RAPGEF5: variants seen among roughly 807,000 people sequenced by gnomAD.
The protein encoded by RAPGEF5 is M-Ras-regulated GEF.
A neutral mutation model predicts 125.2 loss-of-function variants in RAPGEF5; 65 were observed. The ratio of observed to expected loss-of-function variants is 0.52; its 90% CI spans 0.43 to 0.64. RAPGEF5 has a LOEUF of 0.64. RAPGEF5 is among the 30% of genes least tolerant of loss of function. RAPGEF5 has a pLI of 0.00. For missense variants in RAPGEF5, 958 were observed against 1,048.1 expected (o/e 0.91, Z 1.19); for synonymous variants, 391 against 385.9 (o/e 1.01, Z -0.16).
chr7:22,164,664 C>T (rs953104733), intron 12 of RAPGEF5, among the ~76,000 whole-genome samples: 4 of 151,902 alleles, frequency 2.6e-5, no homozygotes, highest in African/African-American at 9.7e-5. Context: ...ATCTGATTTC[C>T]AATATTAGGA....
At chr7:22,343,473 T>C (rs1784166359) in intron 1 of RAPGEF5, among the ~76,000 whole-genome samples, 1 of 152,212 alleles carries the variant, frequency 6.6e-6, no homozygotes, top group Non-Finnish European at 1.5e-5. Context: ...TATATTTCAT[T>C]TATTAAGACA....
intron 9 of RAPGEF5, among the ~76,000 whole-genome samples, chr7:22,198,334 T>A (rs1430540370): frequency 6.6e-6 from 1 of 152,172 alleles, no homozygotes; most frequent in Non-Finnish European, 1.5e-5. Flanking sequence ...TCAGCTTAGC[T>A]GAGGCAAATA....
At chr7:22,254,799 A>G (rs1057188618) in intron 7 of RAPGEF5, among the ~76,000 whole-genome samples, 1 of 152,024 alleles carries the variant, frequency 6.6e-6, no homozygotes, top group Non-Finnish European at 1.5e-5. Context: ...TATCATAAGG[A>G]GCACGCAACC....
In RAPGEF5 at chr7:22,131,017, A is replaced by AAGTAATG; in HGVS notation, c.2481+13_2481+19dup. 6.5e-7 allele frequency: 1 copy of AAGTAATG among 1,540,138 alleles called. No homozygotes were observed. Among genetic ancestry groups the AAGTAATG allele is most frequent in the African/African-American group, 1.4e-5 (1 of 72,812 alleles). On this transcript the variant is annotated intron_variant, in intron 24 of 25. Coordinates refer to ENST00000665637, the MANE Select transcript of RAPGEF5 (RefSeq NM_012294.5). ...ATTTCTGTTACTGTAAAAAAGGGAG[A>AAGTAATG]AGTAATGAAATTTACGTACCAGCTT...
At chr7:22,311,242 T>C (rs915110415) in intron 3 of RAPGEF5, among the ~76,000 whole-genome samples, 40 of 152,152 alleles carry the variant, frequency 2.6e-4, no homozygotes, top group Non-Finnish European at 5.6e-4. Flanking sequence ...GGTCTCAAAC[T>C]CCTGAGCTCA....
intron 5 of RAPGEF5, among the ~76,000 whole-genome samples, chr7:22,294,628 T>A (rs1167162095): frequency 6.6e-6 from 1 of 152,196 alleles, no homozygotes; most frequent in Non-Finnish European, 1.5e-5. Flanking sequence ...GGAAACTCCA[T>A]CCTTCCAACT....
At chr7:22,131,803 T>C (rs1289334927) in intron 23 of RAPGEF5, among the ~76,000 whole-genome samples, 1 of 152,184 alleles carries the variant, frequency 6.6e-6, no homozygotes, top group African/African-American at 2.4e-5. Context: ...AGGATATTCA[T>C]TAAATATCTC....
In RAPGEF5 at chr7:22,193,940, C is replaced by A; in HGVS notation, c.1090G>T (p.Ala364Ser). 1 of 1,613,898 alleles carries A rather than the reference C, an allele frequency of 6.2e-7. No homozygotes were observed. Among genetic ancestry groups the A allele is most frequent in the East Asian group, 2.2e-5 (1 of 44,872 alleles). Residue 364 changes from alanine to serine, a missense_variant, in exon 10 of 26, where the codon GCT (alanine) becomes TCT (serine). Physicochemically the swap from Ala to Ser is moderately conservative, Grantham distance 99. Coordinates refer to ENST00000665637, the MANE Select transcript of RAPGEF5 (RefSeq NM_012294.5). Reference sequence around the variant, plus strand: ...CTCCAATGGCTCTCCGCACTCCCAGCTGTGGGGGCTGGGCCACAGCACTGC... The same window carrying A: ...CTCCAATGGCTCTCCGCACTCCCAGATGTGGGGGCTGGGCCACAGCACTGC... ...KVQCCGPAPT[A>S]GSAESHWRYV...
chr7:22,265,446 T>C lies in RAPGEF5; in HGVS notation c.796+1518A>G, dbSNP rs144240252. On this transcript the variant is annotated intron_variant, in intron 7 of 25. Coordinates refer to ENST00000665637, the MANE Select transcript of RAPGEF5 (RefSeq NM_012294.5). ...TACAAATGACAGGCTTTATTCCTTTTCGTGGCTGAATAATATTTCATTGTG... is the reference window on the plus strand; with the variant it reads ...TACAAATGACAGGCTTTATTCCTTTCCGTGGCTGAATAATATTTCATTGTG... 8.8e-3 allele frequency among the ~76,000 whole-genome samples: 1,346 copies of C among 152,336 alleles called. 9 individuals carry two copies. The highest frequency in any genetic ancestry group is 0.02 in the Middle Eastern group (6 of 294).
chr7:22,165,052 T>C (rs1027590267), intron 12 of RAPGEF5, among the ~76,000 whole-genome samples: 2 of 152,170 alleles, frequency 1.3e-5, no homozygotes, highest in South Asian at 4.1e-4. Context: ...GTGTTTGTGG[T>C]ATTATTTCAT....
At position 22,322,979 on chromosome 7, in the gene RAPGEF5, C is replaced by T. The variant is rs1160364454; in HGVS notation, c.232-4942G>A. ...GACATCGCCTCCTGCACATGCCTTGCTGAATGAAGAAGAGGTACTGTCATT... is the reference window on the plus strand; with the variant it reads ...GACATCGCCTCCTGCACATGCCTTGTTGAATGAAGAAGAGGTACTGTCATT... On this transcript the variant is annotated intron_variant, in intron 1 of 25. Transcript: ENST00000665637. 5.3e-5 allele frequency among the ~76,000 whole-genome samples: 8 copies of T among 152,326 alleles called. No individual in the cohort carries two copies. The South Asian group carries it at 1.2e-3, about 24-fold the overall frequency.
chr7:22,278,768 C>T (rs1733646336), intron 6 of RAPGEF5, among the ~76,000 whole-genome samples: 1 of 149,864 alleles, frequency 6.7e-6, no homozygotes, highest in South Asian at 2.2e-4. Flanking sequence ...ACACAGAGTA[C>T]AGAATATAAA....
chr7:22,200,735 T>C (rs1785257579), intron 9 of RAPGEF5, among the ~76,000 whole-genome samples: 1 of 152,156 alleles, frequency 6.6e-6, no homozygotes, highest in Non-Finnish European at 1.5e-5. Flanking sequence ...GTATTCAATC[T>C]CATTGCCTCT....
At chr7:22,326,472 T>C (rs1362022626) in intron 1 of RAPGEF5, among the ~76,000 whole-genome samples, 1 of 152,232 alleles carries the variant, frequency 6.6e-6, no homozygotes, top group Admixed American at 6.5e-5. Flanking sequence ...ATTCACTATC[T>C]GGACCTTTAC....
intron 22 of RAPGEF5, 91 bp from the exon 23 acceptor site, chr7:22,136,216 A>C: frequency 1.1e-6 from 1 of 948,262 alleles, no homozygotes; most frequent in Non-Finnish European, 1.6e-6. Context: ...ATTTGAACAT[A>C]ACTTAGATAT....
chr7:22,349,565 T>G (rs1784291760), intron 1 of RAPGEF5, among the ~76,000 whole-genome samples: 2 of 152,160 alleles, frequency 1.3e-5, no homozygotes, highest in Admixed American at 1.3e-4. Flanking sequence ...CAATTACCCT[T>G]GATTATATTA....
At chr7:22,235,726 G>A (rs1786170638) in intron 7 of RAPGEF5, among the ~76,000 whole-genome samples, 1 of 152,098 alleles carries the variant, frequency 6.6e-6, no homozygotes, top group African/African-American at 2.4e-5. Flanking sequence ...CCATCCTGGA[G>A]TGGGGTCACA....
intron 1 of RAPGEF5, among the ~76,000 whole-genome samples, chr7:22,320,736 T>A (rs1783698795): frequency 6.6e-6 from 1 of 152,164 alleles, no homozygotes; most frequent in African/African-American, 2.4e-5. Flanking sequence ...TTTGAAGCAC[T>A]TACTCAGCTG....
chr7:22,272,579 C>T (rs987509406), intron 6 of RAPGEF5, among the ~76,000 whole-genome samples: 9 of 151,928 alleles, frequency 5.9e-5, no homozygotes, highest in Admixed American at 3.9e-4. Flanking sequence ...ATACAGAGCC[C>T]ATTTTTCTCA....
Sources: gnomAD v4.1 joint callset for allele counts (sites outside exome capture counted in the v4.1 genomes callset) on GRCh38, gnomAD v4.1.1 for gene constraint, MANE v1.5 for transcripts, NCBI Gene and HGNC (gene_info 2026-07-23, HGNC 2026-07-21) for gene names.